Variants in FBXO25 observed in about 807,000 individuals in gnomAD.
The protein encoded by FBXO25 is F-box only protein 25.
A neutral mutation model predicts 51.9 loss-of-function variants in FBXO25; 45 were observed. The ratio of observed to expected loss-of-function variants is 0.87; its 90% CI spans 0.68 to 1.11. FBXO25 has a LOEUF of 1.11. Ranked by LOEUF, FBXO25 falls within the 50% of genes most tolerant of loss-of-function variation. FBXO25 has a pLI of 0.00. For synonymous variants in FBXO25, 199 were observed against 151.0 expected (o/e 1.32, Z -2.33); for missense variants, 507 against 428.5 (o/e 1.18, Z -1.62).
chr8:421,511 A>G (rs115466681), intron 2 of FBXO25, among the ~76,000 whole-genome samples: 1 of 152,202 alleles, frequency 6.6e-6, no homozygotes, highest in South Asian at 2.1e-4. Flanking sequence ...TACATATTCT[A>G]GGAAGAAGTT....
At position 424,735 on chromosome 8, in the gene FBXO25, C is replaced by T. The variant is rs185151217; in HGVS notation, c.135-6606C>T. ...ATTGGTCTGTGAGTCTGTTTTTGTA[C>T]CAGTACAGAAGCTGTTTTGGTTACT... On this transcript the variant is annotated intron_variant, in intron 2 of 9. Transcript: ENST00000350302. Among the ~76,000 whole-genome samples, 7 of 152,212 alleles carry T rather than the reference C, an allele frequency of 4.6e-5. No individual in the cohort carries two copies. The South Asian group carries it at 1.2e-3, about 27-fold the overall frequency.
At position 476,325 on chromosome 8, in the gene FBXO25, G is replaced by GT. The variant is rs369269529; in HGVS notation, c.*7528dup. ...TTGATCAGGAATACTGATGTGTGGT[G>GT]TTTTTTTCTTATAGTGTCTTTGTCT... On this transcript the variant is annotated 3_prime_UTR_variant, in exon 10 of 10. Coordinates refer to ENST00000350302, the MANE Select transcript of FBXO25 (RefSeq NM_183420.2). 8.1e-4 allele frequency: 119 copies of GT among 147,422 alleles called. 1 individual carries two copies. The highest frequency in any genetic ancestry group is 3.0e-3 in the African/African-American group (116 of 38,458). The allele number at this position is 147,422 out of a possible 1,614,324, so 9.1% of individuals were successfully genotyped here.
intron 7 of FBXO25, among the ~76,000 whole-genome samples, chr8:455,557 C>T (rs1322417113): frequency 6.6e-6 from 1 of 152,186 alleles, no homozygotes; most frequent in African/African-American, 2.4e-5. Flanking sequence ...TTGGGCAAGC[C>T]AGTCAACTCA....
At chr8:415,544 G>A (rs925273973) in intron 2 of FBXO25, among the ~76,000 whole-genome samples, 5 of 152,188 alleles carry the variant, frequency 3.3e-5, no homozygotes, top group African/African-American at 1.2e-4. Context: ...TTGAAGAGAG[G>A]ACAGCCAGTT....
chr8:413,449 G>A (rs1796607509), intron 2 of FBXO25, among the ~76,000 whole-genome samples: 1 of 151,932 alleles, frequency 6.6e-6, no homozygotes, highest in Non-Finnish European at 1.5e-5. Flanking sequence ...ACAATAATTG[G>A]GAGAGAGGTA....
chr8:431,096 C>T (rs916951356), intron 2 of FBXO25, among the ~76,000 whole-genome samples: 2 of 152,074 alleles, frequency 1.3e-5, no homozygotes, highest in Admixed American at 6.5e-5. Context: ...TTGAAACTAC[C>T]TTGGATAAGT....
chr8:414,971 C>A (rs1450322958), intron 2 of FBXO25, among the ~76,000 whole-genome samples: 1 of 152,176 alleles, frequency 6.6e-6, no homozygotes, highest in African/African-American at 2.4e-5. Context: ...TGTTGGTGAC[C>A]TGAAACTGCA....
chr8:430,036 T>C (rs776575630), intron 2 of FBXO25, among the ~76,000 whole-genome samples: 2 of 152,274 alleles, frequency 1.3e-5, no homozygotes, highest in Non-Finnish European at 2.9e-5. Flanking sequence ...GCTCACATGT[T>C]GGAGCTAAGC....
At chr8:444,121 G>T (rs1048785220) in intron 5 of FBXO25, among the ~76,000 whole-genome samples, 2 of 152,212 alleles carry the variant, frequency 1.3e-5, no homozygotes, top group African/African-American at 4.8e-5. Flanking sequence ...AGGTACTTCA[G>T]ATGGTGCCTT....
At chr8:448,518 G>C (rs911386474) in intron 5 of FBXO25, among the ~76,000 whole-genome samples, 3 of 152,216 alleles carry the variant, frequency 2.0e-5, no homozygotes, top group African/African-American at 7.2e-5. Context: ...TTTGTATCCA[G>C]TCTGCAAACA....
intron 5 of FBXO25, among the ~76,000 whole-genome samples, chr8:448,153 TCAAACAGGAA>T (rs1798852978): frequency 6.6e-6 from 1 of 152,148 alleles, no homozygotes; most frequent in Non-Finnish European, 1.5e-5. Flanking sequence ...ACTGGAATCT[TCAAACAGGAA>T]AACAAAACAA....
At chr8:430,379 A>G (rs943228877) in intron 2 of FBXO25, among the ~76,000 whole-genome samples, 1 of 152,084 alleles carries the variant, frequency 6.6e-6, no homozygotes, top group Non-Finnish European at 1.5e-5. Context: ...ATGATTTACA[A>G]CTGTTGGCAC....
At chr8:452,571 A>G (rs968944396) in intron 7 of FBXO25, among the ~76,000 whole-genome samples, 2 of 152,220 alleles carry the variant, frequency 1.3e-5, no homozygotes, top group African/African-American at 4.8e-5. Context: ...GATGTTCAGC[A>G]GGTGACCTTC....
At chr8:420,965 G>A (rs1306787858) in intron 2 of FBXO25, among the ~76,000 whole-genome samples, 4 of 152,236 alleles carry the variant, frequency 2.6e-5, no homozygotes, top group Non-Finnish European at 2.9e-5. Flanking sequence ...AACTGTGACA[G>A]ATGAATCAAA....
chr8:444,760 A>T (rs567314798), intron 5 of FBXO25, among the ~76,000 whole-genome samples: 1 of 152,076 alleles, frequency 6.6e-6, no homozygotes, highest in African/African-American at 2.4e-5. Flanking sequence ...TACCTTTCCT[A>T]TGTTTAGATA....
At chr8:434,946 C>T (rs1223615677) in intron 4 of FBXO25, among the ~76,000 whole-genome samples, 1 of 152,068 alleles carries the variant, frequency 6.6e-6, no homozygotes, top group East Asian at 1.9e-4. Context: ...GTTTTGGGTT[C>T]TTGGCATCCG....
chr8:451,853 G>A (rs961371454), intron 7 of FBXO25, among the ~76,000 whole-genome samples: 2 of 152,064 alleles, frequency 1.3e-5, no homozygotes, highest in African/African-American at 4.8e-5. Flanking sequence ...TGTCTTTTTT[G>A]GGGATGTGTT....
rs1362635752 is a variant in FBXO25 at position 476,469 on chromosome 8, T to C, written c.*7665T>C. The C allele has an allele frequency of 6.6e-6, 1 of 152,226 alleles. No homozygotes were observed. The highest frequency in any genetic ancestry group is 1.5e-5 in the Non-Finnish European group (1 of 68,026). The allele number at this position is 152,226 out of a possible 1,614,324, so 9.4% of individuals were successfully genotyped here. Reference sequence around the variant, plus strand: ...TTAATTCTTCAGATGTTTGCCAGAATTCCCATATGACCCTGGGCTTTTCTT... The same window carrying C: ...TTAATTCTTCAGATGTTTGCCAGAACTCCCATATGACCCTGGGCTTTTCTT... On this transcript the variant is annotated 3_prime_UTR_variant, in exon 10 of 10. Transcript: ENST00000350302.
chr8:411,619 C>A (rs1446047440), intron 1 of FBXO25, among the ~76,000 whole-genome samples: 8 of 152,016 alleles, frequency 5.3e-5, no homozygotes, highest in African/African-American at 1.9e-4. Context: ...TGGCATTGTT[C>A]AAGGTAATGG....
Sources: gnomAD v4.1 joint callset for allele counts (sites outside exome capture counted in the v4.1 genomes callset) on GRCh38, gnomAD v4.1.1 for gene constraint, MANE v1.5 for transcripts, NCBI Gene and HGNC (gene_info 2026-07-23, HGNC 2026-07-21) for gene names.